Variants in KIF26B observed in about 807,000 individuals in gnomAD.
The protein encoded by KIF26B is kinesin family member 26B.
A neutral mutation model predicts 151.2 loss-of-function variants in KIF26B; 63 were observed. The observed-to-expected ratio is 0.42, with a 90% CI of 0.34 to 0.51. The LOEUF is 0.51. Ranked by LOEUF, KIF26B falls within the 20% of genes least tolerant of loss-of-function variation. KIF26B has a pLI of 0.07. For synonymous variants in KIF26B, 1,357 were observed against 1,262.1 expected, an observed-to-expected ratio of 1.08 and a Z score of -1.59; for missense variants, 2,813 against 2,913.6, an observed-to-expected ratio of 0.97 and a Z score of 0.79.
intron 4 of KIF26B, among the ~76,000 whole-genome samples, chr1:245,517,165 T>A (rs1009269102): frequency 2.6e-5 from 4 of 152,172 alleles, no homozygotes; most frequent in African/African-American, 9.7e-5. Flanking sequence ...GAGACCAGCC[T>A]GGTCAACATG....
chr1:245,583,025 C>A (rs1390892937), intron 5 of KIF26B, among the ~76,000 whole-genome samples: 1 of 152,126 alleles, frequency 6.6e-6, no homozygotes, highest in African/African-American at 2.4e-5. Flanking sequence ...AGCGTAACCA[C>A]CCCCTACTCA....
chr1:245,258,756 C>T (rs956940096), intron 2 of KIF26B, among the ~76,000 whole-genome samples: 1 of 151,860 alleles, frequency 6.6e-6, no homozygotes, highest in Non-Finnish European at 1.5e-5. Context: ...GGTGGGGGGG[C>T]ATGAAATCAG....
At chr1:245,287,175 A>G (rs949066952) in intron 2 of KIF26B, among the ~76,000 whole-genome samples, 4 of 152,210 alleles carry the variant, frequency 2.6e-5, no homozygotes, top group African/African-American at 7.2e-5. Context: ...CACATATAAC[A>G]GGAAATATTT....
intron 10 of KIF26B, among the ~76,000 whole-genome samples, chr1:245,648,711 C>G (rs2043980511): frequency 6.6e-6 from 1 of 152,178 alleles, no homozygotes; most frequent in African/African-American, 2.4e-5. Flanking sequence ...ACATGCTGGC[C>G]CTACCAACTG....
intron 4 of KIF26B, among the ~76,000 whole-genome samples, chr1:245,517,713 G>A (rs1161188753): frequency 6.6e-6 from 1 of 152,156 alleles, no homozygotes; most frequent in African/African-American, 2.4e-5. Flanking sequence ...ACATATGGAA[G>A]AGATGAATAA....
intron 9 of KIF26B, among the ~76,000 whole-genome samples, chr1:245,631,263 T>C (rs1049947263): frequency 1.3e-5 from 2 of 152,244 alleles, no homozygotes; most frequent in African/African-American, 4.8e-5. Context: ...AGCTGTGGGT[T>C]TGTCATATAT....
chr1:245,608,567 A>C (rs1435581030), intron 7 of KIF26B, among the ~76,000 whole-genome samples: 1 of 152,206 alleles, frequency 6.6e-6, no homozygotes, highest in Non-Finnish European at 1.5e-5. Context: ...TTAACTTGAG[A>C]CAGGATATAA....
intron 2 of KIF26B, among the ~76,000 whole-genome samples, chr1:245,171,912 T>C (rs1326259715): frequency 1.3e-5 from 2 of 152,236 alleles, no homozygotes; most frequent in Admixed American, 6.5e-5. Context: ...GCGTGTTTTG[T>C]CTGCTGCATG....
Position 245,688,346 on chromosome 1 carries a change from G to A in KIF26B, c.5363G>A (p.Ser1788Asn). Reference protein sequence around the residue: ...KHTPWSTQSLSRNRSSGLASK... With the variant: ...KHTPWSTQSLNRNRSSGLASK... ...ACGCCCTGGTCCACGCAGTCCCTCA[G>A]CAGGAACAGGAGCTCGGGCCTGGCC... Residue 1788 changes from serine (S) to asparagine (N), a missense_variant, in exon 12 of 15, where the codon AGC becomes AAC. This residue lies in a region of KIF26B where 2,060 missense variants were observed against 2,088.6 expected (regional missense o/e 0.99). Transcript: ENST00000407071. 6.3e-7 allele frequency: 1 copy of A among 1,582,068 alleles called. No homozygotes were observed. Among genetic ancestry groups the A allele is most frequent in the Non-Finnish European group, 8.5e-7 (1 of 1,172,382 alleles).
chr1:245,676,821 TCTC>T (rs2044362212), intron 10 of KIF26B, among the ~76,000 whole-genome samples: 1 of 152,114 alleles, frequency 6.6e-6, no homozygotes, highest in Admixed American at 6.5e-5. Flanking sequence ...TCATCACACG[TCTC>T]CTCCTGGAAA....
chr1:245,276,051 T>G (rs1670929690), intron 2 of KIF26B, among the ~76,000 whole-genome samples: 1 of 152,128 alleles, frequency 6.6e-6, no homozygotes, highest in African/African-American at 2.4e-5. Context: ...GCTTTAAAAA[T>G]TCTCCCTGGG....
At chr1:245,647,369 G>A (rs529677146) in intron 10 of KIF26B, among the ~76,000 whole-genome samples, 196 of 136,354 alleles carry the variant, frequency 1.4e-3, no homozygotes, top group Non-Finnish European at 2.5e-3. Context: ...AGCTTGCAGT[G>A]AGCCAAGATC....
At chr1:245,674,208 G>A (rs999712893) in intron 10 of KIF26B, among the ~76,000 whole-genome samples, 14 of 152,144 alleles carry the variant, frequency 9.2e-5, no homozygotes, top group African/African-American at 2.7e-4. Context: ...GTCACAGACC[G>A]TTGCAAAGGC....
In KIF26B at chr1:245,702,736, C is replaced by A. The variant is rs758046398; in HGVS notation, c.*130C>A. Reference sequence around the variant, plus strand: ...ATGAAGGTTGGTGGCAAGTCTGGAGCGGGCGTTGAGCGGAAGGCGAGTTTT... The same window carrying A: ...ATGAAGGTTGGTGGCAAGTCTGGAGAGGGCGTTGAGCGGAAGGCGAGTTTT... On this transcript the variant is annotated 3_prime_UTR_variant, in exon 15 of 15. Coordinates refer to ENST00000407071, the MANE Select transcript of KIF26B (RefSeq NM_018012.4). This position sits in a 1 kb window ranked among gnomAD's most constrained non-coding sequence, Gnocchi z 4.1. 1.5e-5 allele frequency: 16 copies of A among 1,067,514 alleles called. 1 individual carries two copies. The South Asian group carries it at 3.1e-4, about 20-fold the overall frequency. 66.1% of individuals were successfully genotyped at this position (1,067,514 alleles called of 1,614,324 possible). A position where few individuals can be genotyped will look rare whatever the true frequency, so the allele number is the denominator to read the frequency against.
rs1670270361 is a variant in KIF26B at position 245,244,198 on chromosome 1, C to T, written c.465+87515C>T. Among the ~76,000 whole-genome samples the T allele has an allele frequency of 6.6e-6, 1 of 152,180 alleles. No homozygotes were observed. Among genetic ancestry groups the T allele is most frequent in the South Asian group, 2.1e-4 (1 of 4,826 alleles). ...TCTCGAACTCCTGGCCTCAAGCAAT[C>T]TTTCCACCTTAGCCTCCCAAAGTGC... is the stretch of plus-strand genomic sequence containing the variant. On this transcript the variant is annotated intron_variant, in intron 2 of 14. Coordinates refer to ENST00000407071, the MANE Select transcript of KIF26B (RefSeq NM_018012.4). This position sits in a 1 kb window ranked among gnomAD's most constrained non-coding sequence, Gnocchi z 4.2.
chr1:245,604,672 G>C (rs1771525), intron 6 of KIF26B, among the ~76,000 whole-genome samples: 83,068 of 152,092 alleles, frequency 0.55, 23,102 homozygotes, highest in East Asian at 0.69. Context: ...ATTTATTCCA[G>C]AAAAAGGGTC....
At chr1:245,628,944 A>G (rs544757049) in intron 9 of KIF26B, among the ~76,000 whole-genome samples, 2 of 152,344 alleles carry the variant, frequency 1.3e-5, no homozygotes, top group South Asian at 4.1e-4. Context: ...AAGCATTCCT[A>G]TACACCAACA....
chr1:245,683,878 G>A (rs1380182397), intron 10 of KIF26B, among the ~76,000 whole-genome samples: 2 of 152,150 alleles, frequency 1.3e-5, no homozygotes, highest in African/African-American at 4.8e-5. Context: ...TCAGCAAGCC[G>A]AGTCACCAGG....
rs527735859 is a variant in KIF26B at position 245,685,336 on chromosome 1, G to A, written c.2422-69G>A. On this transcript the variant is annotated intron_variant, in intron 11 of 14. Transcript: ENST00000407071. ...TCGTCAGGGGCCTTCACCACTTGCC[G>A]CGCACAGCTGGGCTCCCGGGGAAAC... 126 of 1,320,686 alleles carry A rather than the reference G, an allele frequency of 9.5e-5. 1 individual carries two copies. The South Asian group carries it at 1.0e-3, about 11-fold the overall frequency. 81.8% of individuals were successfully genotyped at this position (1,320,686 alleles called of 1,614,324 possible). A position where few individuals can be genotyped will look rare whatever the true frequency, so the allele number is the denominator to read the frequency against.
Sources: gnomAD v4.1 joint callset for allele counts (sites outside exome capture counted in the v4.1 genomes callset) on GRCh38, gnomAD v4.1.1 for gene constraint, gnomAD v4.1.1 regional missense constraint, Gnocchi (gnomAD v3.1) non-coding constraint, MANE v1.5 for transcripts, NCBI Gene and HGNC (gene_info 2026-07-23, HGNC 2026-07-21) for gene names.